Variants in CAMK4 observed in about 807,000 individuals in gnomAD.
The protein encoded by CAMK4 is calcium/calmodulin dependent protein kinase IV.
In CAMK4, 22 loss-of-function variants were observed where a neutral mutation model predicts 44.9. The observed-to-expected ratio is 0.49, with a 90% CI of 0.35 to 0.70. The LOEUF (loss-of-function observed/expected upper bound fraction) is 0.70, where lower values mean the gene tolerates loss of function less well. CAMK4 is among the 30% of genes least tolerant of loss of function. The pLI, the probability that CAMK4 is intolerant of heterozygous loss-of-function variation, is 0.01. For synonymous variants in CAMK4, 218 were observed against 215.4 expected, an observed-to-expected ratio of 1.01 and a Z score of -0.11; for missense variants, 498 against 586.8, an observed-to-expected ratio of 0.85 and a Z score of 1.56.
At position 111,290,946 on chromosome 5, in the gene CAMK4, C is replaced by T. The variant is rs899637103; in HGVS notation, c.162-53078C>T. Among the ~76,000 whole-genome samples, 1 of 152,128 alleles carries T rather than the reference C, an allele frequency of 6.6e-6. No homozygotes were observed. The highest frequency in any genetic ancestry group is 1.9e-4 in the East Asian group (1 of 5,196). On this transcript the variant is annotated intron_variant, in intron 1 of 10. Coordinates refer to ENST00000282356, the MANE Select transcript of CAMK4 (RefSeq NM_001744.6). The surrounding 1 kb of genome is among the most constrained non-coding windows in gnomAD (Gnocchi z 4.5). ...AAATCCCATTTAAATTAAGAAAATG[C>T]CACTTGGCTCTTTATGTTACCATGG...
chr5:111,255,780 C>G (rs1749714343), intron 1 of CAMK4, among the ~76,000 whole-genome samples: 1 of 152,106 alleles, frequency 6.6e-6, no homozygotes. Flanking sequence ...TATTTGGAGT[C>G]TCTGATGATG....
chr5:111,344,437 C>CATA (rs1561427119), intron 2 of CAMK4, among the ~76,000 whole-genome samples: 2 of 129,282 alleles, frequency 1.5e-5, no homozygotes, highest in Non-Finnish European at 3.5e-5. Context: ...CACACATACA[C>CATA]ACACACACAC....
intron 5 of CAMK4, among the ~76,000 whole-genome samples, chr5:111,418,193 A>T (rs1308181405): frequency 2.0e-5 from 3 of 152,210 alleles, no homozygotes; most frequent in African/African-American, 7.2e-5. Context: ...GGGAGACATC[A>T]CATGTCAGTA....
intron 5 of CAMK4, among the ~76,000 whole-genome samples, chr5:111,415,540 C>A (rs895739738): frequency 6.6e-6 from 1 of 152,166 alleles, no homozygotes; most frequent in African/African-American, 2.4e-5. Flanking sequence ...AAAATATGTT[C>A]TAGCCACAAA....
chr5:111,242,699 T>TA (rs1749056689), intron 1 of CAMK4, among the ~76,000 whole-genome samples: 1 of 152,142 alleles, frequency 6.6e-6, no homozygotes, highest in South Asian at 2.1e-4. Context: ...CTTGCCGTCT[T>TA]ACGCCCACCA....
chr5:111,462,484 GA>G (rs141357489), intron 7 of CAMK4, among the ~76,000 whole-genome samples: 1,729 of 152,246 alleles, frequency 0.011, 37 homozygotes, highest in African/African-American at 0.04. Flanking sequence ...ATAAATATTT[GA>G]TGATTTCTTT....
At chr5:111,471,165 T>G (rs192581668) in intron 7 of CAMK4, among the ~76,000 whole-genome samples, 4 of 152,202 alleles carry the variant, frequency 2.6e-5, no homozygotes, top group Non-Finnish European at 4.4e-5. Context: ...AAAGCTCTAT[T>G]TTTGTCTGCA....
chr5:111,268,229 C>T (rs1003346936), intron 1 of CAMK4, among the ~76,000 whole-genome samples: 1 of 152,116 alleles, frequency 6.6e-6, no homozygotes, highest in Admixed American at 6.5e-5. Flanking sequence ...TTTTCTGTTT[C>T]CTGCTAAAAT....
At chr5:111,464,816 A>G (rs567968505) in intron 7 of CAMK4, among the ~76,000 whole-genome samples, 1 of 152,322 alleles carries the variant, frequency 6.6e-6, no homozygotes, top group African/African-American at 2.4e-5. Flanking sequence ...GTTTACATGT[A>G]TAGAATACAT....
At chr5:111,432,656 G>GTT (rs1753494935) in intron 5 of CAMK4, among the ~76,000 whole-genome samples, 1 of 119,496 alleles carries the variant, frequency 8.4e-6, no homozygotes, top group Non-Finnish European at 1.8e-5. Flanking sequence ...ATGTATATAT[G>GTT]TGTGTGTATA....
intron 5 of CAMK4, among the ~76,000 whole-genome samples, chr5:111,409,146 G>T (rs989680408): frequency 1.3e-5 from 2 of 152,186 alleles, no homozygotes; most frequent in Non-Finnish European, 2.9e-5. Flanking sequence ...TTGTGTGGGG[G>T]CTACAACCCT....
At chr5:111,255,922 A>G (rs1749722343) in intron 1 of CAMK4, among the ~76,000 whole-genome samples, 1 of 152,212 alleles carries the variant, frequency 6.6e-6, no homozygotes, top group Non-Finnish European at 1.5e-5. Context: ...ACTGTTTTTA[A>G]GGCTAATGAT....
chr5:111,323,753 G>T (rs1213031294), intron 1 of CAMK4, among the ~76,000 whole-genome samples: 1 of 152,040 alleles, frequency 6.6e-6, no homozygotes, highest in Non-Finnish European at 1.5e-5. Flanking sequence ...CACAAGTAAT[G>T]CCAAACAAAC....
At chr5:111,472,939 C>CT (rs1755113850) in intron 7 of CAMK4, among the ~76,000 whole-genome samples, 1 of 152,200 alleles carries the variant, frequency 6.6e-6, no homozygotes, top group Admixed American at 6.5e-5. Context: ...ATGCTTGTGA[C>CT]TTTTTTCTCC....
At chr5:111,404,598 G>A (rs930775463) in intron 5 of CAMK4, among the ~76,000 whole-genome samples, 1 of 152,182 alleles carries the variant, frequency 6.6e-6, no homozygotes, top group South Asian at 2.1e-4. Context: ...CTTAGGTCCT[G>A]TTTATAAGTT....
chr5:111,354,839 C>T (rs1387634579), intron 2 of CAMK4, among the ~76,000 whole-genome samples: 1 of 152,074 alleles, frequency 6.6e-6, no homozygotes, highest in Non-Finnish European at 1.5e-5. Context: ...GCCACTGTGC[C>T]CTCAACCAGG....
intron 1 of CAMK4, among the ~76,000 whole-genome samples, chr5:111,313,322 C>T (rs747823896): frequency 4.6e-5 from 7 of 152,126 alleles, no homozygotes; most frequent in Non-Finnish European, 1.0e-4. Flanking sequence ...GTGGGAGTCT[C>T]TTCAGTTAAC....
intron 2 of CAMK4, among the ~76,000 whole-genome samples, chr5:111,349,168 AT>A (rs1186309260): frequency 6.6e-6 from 1 of 151,968 alleles, no homozygotes; most frequent in Non-Finnish European, 1.5e-5. Flanking sequence ...TAGACATGAC[AT>A]TCATCCTCTC....
intron 8 of CAMK4, among the ~76,000 whole-genome samples, chr5:111,474,578 G>T (rs1755172726): frequency 6.6e-6 from 1 of 152,138 alleles, no homozygotes; most frequent in Admixed American, 6.5e-5. Context: ...TCAACATATG[G>T]ATTTTGGGGT....
Sources: gnomAD v4.1 joint callset for allele counts (sites outside exome capture counted in the v4.1 genomes callset) on GRCh38, gnomAD v4.1.1 for gene constraint, Gnocchi (gnomAD v3.1) non-coding constraint, MANE v1.5 for transcripts, NCBI Gene and HGNC (gene_info 2026-07-23, HGNC 2026-07-21) for gene names.